CUX1: variants seen among roughly 807,000 people sequenced by gnomAD.
CUX1 encodes the protein cut like homeobox 1, also known as protein CASP.
Under a neutral mutation model 158.8 loss-of-function variants are expected in CUX1, and 31 were observed. The observed-to-expected ratio is 0.20, with a 90% CI of 0.15 to 0.26. The LOEUF (loss-of-function observed/expected upper bound fraction) is 0.26, where lower values mean the gene tolerates loss of function less well. Ranked by LOEUF, CUX1 falls within the 10% of genes least tolerant of loss-of-function variation. The pLI, the probability that CUX1 is intolerant of heterozygous loss-of-function variation, is 1.00. For synonymous variants in CUX1, 879 were observed against 862.1 expected, an observed-to-expected ratio of 1.02 and a Z score of -0.34; for missense variants, 1,589 against 2,014.6, an observed-to-expected ratio of 0.79 and a Z score of 4.04.
intron 14 of CUX1, among the ~76,000 whole-genome samples, chr7:102,268,369 G>A (rs920199442): frequency 6.6e-6 from 1 of 151,894 alleles, no homozygotes. Context: ...CCTTCGCCTC[G>A]CTCAGCCTCT....
intron 2 of CUX1, among the ~76,000 whole-genome samples, chr7:101,929,254 A>C (rs897068674): frequency 1.3e-5 from 2 of 152,208 alleles, no homozygotes; most frequent in South Asian, 4.1e-4. Context: ...CCTAGTTTCT[A>C]CTGCGGACTT....
At chr7:102,202,312 A>G in intron 18 of CUX1, 108 bp downstream of exon 18, 1 of 1,438,562 alleles carries the variant, frequency 7.0e-7, no homozygotes, top group Non-Finnish European at 9.3e-7. Flanking sequence ...TTCACCCAAG[A>G]GCAGAGCGTA....
At chr7:102,039,434 A>C (rs1358670183) in intron 3 of CUX1, among the ~76,000 whole-genome samples, 1 of 152,150 alleles carries the variant, frequency 6.6e-6, no homozygotes, top group Non-Finnish European at 1.5e-5. Flanking sequence ...CAGGCGGCTC[A>C]CTTGAGCCTG....
intron 8 of CUX1, among the ~76,000 whole-genome samples, chr7:102,155,414 C>T (rs1563321461): frequency 6.6e-6 from 1 of 150,740 alleles, no homozygotes; most frequent in Admixed American, 6.6e-5. Context: ...GGTATGCTGG[C>T]GTACACCACT....
intron 3 of CUX1, among the ~76,000 whole-genome samples, chr7:102,034,751 C>CAAA (rs33994794): frequency 0.035 from 4,169 of 117,750 alleles, 288 homozygotes; most frequent in African/African-American, 0.12. Flanking sequence ...GACTCCGTCT[C>CAAA]AAAAAAAAAA....
chr7:102,260,570 C>CTTTTTTTTTTTT (rs55642237), downstream of CUX1, among the ~76,000 whole-genome samples: 130 of 51,062 alleles, frequency 2.5e-3, 1 homozygote, highest in African/African-American at 4.9e-3. Context: ...CCACACCTGG[C>CTTTTTTTTTTTT]TTTTTTTTTT....
intron 1 of CUX1, among the ~76,000 whole-genome samples, chr7:101,834,605 A>G (rs1794426355): frequency 6.6e-6 from 1 of 152,210 alleles, no homozygotes; most frequent in South Asian, 2.1e-4. Context: ...TTTCTGTTCT[A>G]AACGTGCCGC....
intron 4 of CUX1, among the ~76,000 whole-genome samples, chr7:102,085,354 C>T (rs1336904860): frequency 6.6e-6 from 1 of 152,030 alleles, no homozygotes; most frequent in East Asian, 1.9e-4. Flanking sequence ...TGGCTGTGTT[C>T]CCATGCTATC....
chr7:102,207,322 C>T (rs1337437043), intron 20 of CUX1, among the ~76,000 whole-genome samples: 2 of 152,048 alleles, frequency 1.3e-5, no homozygotes, highest in Non-Finnish European at 2.9e-5. Flanking sequence ...CCATGTCATT[C>T]CAGCAAGAGG....
At chr7:102,259,504 C>G (rs1488312261), downstream of CUX1, among the ~76,000 whole-genome samples, 1 of 152,124 alleles carries the variant, frequency 6.6e-6, no homozygotes, top group Non-Finnish European at 1.5e-5. Flanking sequence ...AGGAGAATTG[C>G]TTGAACCTGG....
At chr7:102,281,994 G>T in intron 21 of CUX1, 1 of 1,072,674 alleles carries the variant, frequency 9.3e-7, no homozygotes, top group Non-Finnish European at 1.4e-6. Flanking sequence ...GCAGGGGCCT[G>T]TTACGGTGGC....
chr7:101,963,447 A>G (rs1049854607), intron 2 of CUX1, among the ~76,000 whole-genome samples: 5 of 152,184 alleles, frequency 3.3e-5, no homozygotes, highest in Non-Finnish European at 5.9e-5. Context: ...TCCCGGATCC[A>G]GGCCTCTGCC....
chr7:101,849,621 A>C lies in CUX1; in HGVS notation c.30+31952A>C, dbSNP rs527604883. ...TTGATTCTATGTCTTTGCTATTGTG[A>C]ATAGTGCTGCAGTGAACATACATAT... On this transcript the variant is annotated intron_variant, in intron 1 of 23. Coordinates refer to ENST00000292535, the MANE Select transcript of CUX1 (RefSeq NM_181552.4). Among the ~76,000 whole-genome samples the C allele has an allele frequency of 2.3e-4, 35 of 152,248 alleles. No homozygotes were observed. The South Asian group carries it at 7.1e-3, about 31-fold the overall frequency.
intron 8 of CUX1, among the ~76,000 whole-genome samples, chr7:102,139,267 AGGAAT>A (rs1267228879): frequency 6.6e-6 from 1 of 150,380 alleles, no homozygotes; most frequent in African/African-American, 2.4e-5. Flanking sequence ...AAAAAAAAAA[AGGAAT>A]GGTATCAACT....
At chr7:101,833,678 A>T (rs77981622) in intron 1 of CUX1, among the ~76,000 whole-genome samples, 1,970 of 151,780 alleles carry the variant, frequency 0.013, 38 homozygotes, top group African/African-American at 0.045. Flanking sequence ...GTTAAAAACC[A>T]TTACTGTGCT....
At chr7:101,925,969 C>T (rs967770157) in intron 2 of CUX1, among the ~76,000 whole-genome samples, 14 of 151,886 alleles carry the variant, frequency 9.2e-5, no homozygotes, top group African/African-American at 3.4e-4. Flanking sequence ...AAACAAAAAA[C>T]CTAAACTAAA....
chr7:101,976,401 A>T (rs1812683768), intron 2 of CUX1, among the ~76,000 whole-genome samples: 1 of 152,234 alleles, frequency 6.6e-6, no homozygotes, highest in South Asian at 2.1e-4. Flanking sequence ...GAATAAAAGA[A>T]AATTTTAAAA....
intron 4 of CUX1, among the ~76,000 whole-genome samples, chr7:102,072,997 C>G (rs914833403): frequency 2.0e-5 from 3 of 151,942 alleles, no homozygotes; most frequent in African/African-American, 4.8e-5. Context: ...CCAAGAAGTT[C>G]TTGCTACCAC....
chr7:102,133,275 C>A (rs1234002157), intron 8 of CUX1, among the ~76,000 whole-genome samples: 1 of 151,952 alleles, frequency 6.6e-6, no homozygotes, highest in African/African-American at 2.4e-5. Flanking sequence ...GCCTTTCTTT[C>A]CCCAGCTCAC....
Sources: gnomAD v4.1 joint callset for allele counts (sites outside exome capture counted in the v4.1 genomes callset) on GRCh38, gnomAD v4.1.1 for gene constraint, MANE v1.5 for transcripts, NCBI Gene and HGNC (gene_info 2026-07-23, HGNC 2026-07-21) for gene names.